SOX6: variants seen among roughly 807,000 people sequenced by gnomAD.
SOX6 encodes the protein transcription factor SOX-6.
In SOX6, 11 loss-of-function variants were observed where a neutral mutation model predicts 97.8. The observed-to-expected ratio is 0.11, with a 90% CI of 0.07 to 0.19. The LOEUF (loss-of-function observed/expected upper bound fraction) is 0.19. Among genes scored for constraint, SOX6 ranks in the 10% least tolerant of loss-of-function variants. The probability of loss-of-function intolerance (pLI) is 1.00; values close to 1 mark genes in which losing one functional copy is unlikely to be tolerated. For missense variants in SOX6, 810 were observed against 1,039.5 expected (o/e 0.78, Z 3.04); for synonymous variants, 360 against 371.4 (o/e 0.97, Z 0.35).
At chr11:16,150,758 C>G (rs180905395) in intron 6 of SOX6, among the ~76,000 whole-genome samples, 2 of 152,270 alleles carry the variant, frequency 1.3e-5, no homozygotes, top group East Asian at 1.9e-4. Context: ...GCATCATTAA[C>G]TTTTAACCAG....
Position 16,049,933 on chromosome 11 carries a change from T to C in SOX6, c.1257A>G (p.Glu419=), listed in dbSNP as rs1847643080. Reference sequence around the variant, plus strand: ...AGAGATTCAGAGGCTGTGCTGCTGCTTCATCCTACAAGAGTTTAACGTAAA... The same window carrying C: ...AGAGATTCAGAGGCTGTGCTGCTGCCTCATCCTACAAGAGTTTAACGTAAA... ...GTSPVTQVKD[E]AAAQPLNLSS... Residue 419 remains glutamate, a synonymous_variant, in exon 11 of 16, where the codon GAA becomes GAG. Transcript: ENST00000683767. 1 of 1,613,590 alleles carries C rather than the reference T, an allele frequency of 6.2e-7. No individual in the cohort carries two copies. The highest frequency in any genetic ancestry group is 1.1e-5 in the South Asian group (1 of 91,084).
chr11:16,568,777 A>C (rs1847904571), intron 4 of SOX6, among the ~76,000 whole-genome samples: 8 of 152,178 alleles, frequency 5.3e-5, no homozygotes, highest in Admixed American at 5.2e-4. Flanking sequence ...CTCCATAAAA[A>C]TATTCATAAC....
chr11:16,407,714 A>T (rs1242908872), intron 1 of SOX6, among the ~76,000 whole-genome samples: 1 of 152,098 alleles, frequency 6.6e-6, no homozygotes, highest in Non-Finnish European at 1.5e-5. Flanking sequence ...GCCTTCACCC[A>T]TTCCTTCATT....
chr11:16,179,394 C>T (rs1209199526), intron 6 of SOX6, among the ~76,000 whole-genome samples: 1 of 151,824 alleles, frequency 6.6e-6, no homozygotes, highest in Non-Finnish European at 1.5e-5. Flanking sequence ...ATTAAAAACA[C>T]TGTATATGAA....
chr11:16,444,472 A>G (rs1859574701), intron 1 of SOX6, among the ~76,000 whole-genome samples: 1 of 152,148 alleles, frequency 6.6e-6, no homozygotes, highest in Non-Finnish European at 1.5e-5. Context: ...TTTCTCACTA[A>G]TTTAGCCCAC....
intron 1 of SOX6, among the ~76,000 whole-genome samples, chr11:16,382,829 T>C (rs1363165093): frequency 6.6e-6 from 1 of 151,870 alleles, no homozygotes; most frequent in Non-Finnish European, 1.5e-5. Flanking sequence ...CTAGTTGTAC[T>C]AGTAATGGCA....
At chr11:16,629,387 T>C (rs1466276910) in intron 3 of SOX6, among the ~76,000 whole-genome samples, 1 of 152,232 alleles carries the variant, frequency 6.6e-6, no homozygotes, top group African/African-American at 2.4e-5. Context: ...GTTTATGTGG[T>C]GAATCACATT....
chr11:16,457,654 A>G (rs1177653426), intron 1 of SOX6, among the ~76,000 whole-genome samples: 1 of 152,052 alleles, frequency 6.6e-6, no homozygotes, highest in African/African-American at 2.4e-5. Flanking sequence ...TTGCTGCTAT[A>G]CTATGCTTAC....
intron 1 of SOX6, among the ~76,000 whole-genome samples, chr11:16,350,849 T>G (rs1474952804): frequency 6.6e-6 from 1 of 152,094 alleles, no homozygotes; most frequent in Non-Finnish European, 1.5e-5. Context: ...CCCAGCACAG[T>G]GCACAACACA....
At chr11:16,534,931 T>C (rs1355345865) in intron 4 of SOX6, among the ~76,000 whole-genome samples, 1 of 152,224 alleles carries the variant, frequency 6.6e-6, no homozygotes, top group Non-Finnish European at 1.5e-5. Context: ...GTCCACATAA[T>C]TGCTGAAGAG....
intron 1 of SOX6, among the ~76,000 whole-genome samples, chr11:16,410,977 A>C (rs561724250): frequency 2.0e-5 from 3 of 150,408 alleles, no homozygotes; most frequent in African/African-American, 7.3e-5. Context: ...GGAGATAGTG[A>C]GTGACTGAAA....
intron 2 of SOX6, among the ~76,000 whole-genome samples, chr11:16,335,412 G>A (rs1313367909): frequency 6.6e-6 from 1 of 152,078 alleles, no homozygotes; most frequent in Non-Finnish European, 1.5e-5. Context: ...TATCACAAAG[G>A]TGTACATAAA....
At chr11:16,367,923 C>G (rs547916642) in intron 1 of SOX6, among the ~76,000 whole-genome samples, 1 of 152,114 alleles carries the variant, frequency 6.6e-6, no homozygotes, top group Admixed American at 6.5e-5. Flanking sequence ...TTCTTGGAAA[C>G]TGAAACTTTA....
At chr11:16,047,659 G>C (rs1855873545) in intron 11 of SOX6, among the ~76,000 whole-genome samples, 1 of 151,798 alleles carries the variant, frequency 6.6e-6, no homozygotes, top group Non-Finnish European at 1.5e-5. Context: ...ACAAATGTTA[G>C]TGTGATCCAC....
Position 16,143,128 on chromosome 11 carries a change from A to G in SOX6, c.778-31205T>C, listed in dbSNP as rs1589969353. Among the ~76,000 whole-genome samples, 5 of 152,224 alleles carry G rather than the reference A, an allele frequency of 3.3e-5. No homozygotes were observed. In the South Asian group the frequency reaches 1.0e-3, roughly 32 times the overall value. Reference sequence around the variant, plus strand: ...AAGGTCGGGTTACCCACAAAGGGAAACCCATCAGACTAACAGCGGATCTCT... The same window carrying G: ...AAGGTCGGGTTACCCACAAAGGGAAGCCCATCAGACTAACAGCGGATCTCT... On this transcript the variant is annotated intron_variant, in intron 6 of 15. Coordinates refer to ENST00000683767, the MANE Select transcript of SOX6 (RefSeq NM_001367873.1).
At chr11:16,493,158 T>G (rs1426555498) in intron 4 of SOX6, among the ~76,000 whole-genome samples, 2 of 152,156 alleles carry the variant, frequency 1.3e-5, no homozygotes, top group Non-Finnish European at 2.9e-5. Flanking sequence ...TATACAAGAA[T>G]GCATTATTCA....
chr11:16,398,900 T>A (rs546665505), intron 1 of SOX6, among the ~76,000 whole-genome samples: 19 of 151,338 alleles, frequency 1.3e-4, no homozygotes, highest in East Asian at 9.7e-4. Context: ...ATATTTTTTT[T>A]AAATTGAAAT....
At chr11:16,504,399 G>C (rs1232755801) in intron 4 of SOX6, among the ~76,000 whole-genome samples, 1 of 151,880 alleles carries the variant, frequency 6.6e-6, no homozygotes, top group Non-Finnish European at 1.5e-5. Flanking sequence ...GAAGTTTCAG[G>C]ATACAAAATA....
intron 3 of SOX6, among the ~76,000 whole-genome samples, chr11:16,639,756 T>C (rs555646685): frequency 6.6e-6 from 1 of 152,298 alleles, no homozygotes; most frequent in South Asian, 2.1e-4. Context: ...TGCACATTGA[T>C]TTTGTATCCT....
Sources: allele counts gnomAD v4.1 joint callset (sites outside exome capture counted in the v4.1 genomes callset), GRCh38; gene constraint gnomAD v4.1.1; transcripts MANE v1.5; gene names NCBI Gene and HGNC (gene_info 2026-07-23, HGNC 2026-07-21).